MRPS31: variants seen among roughly 807,000 people sequenced by gnomAD.
MRPS31 encodes the protein mitochondrial ribosomal protein S31.
A neutral mutation model predicts 43.1 loss-of-function variants in MRPS31; 32 were observed. The observed-to-expected ratio is 0.74, with a 90% CI of 0.56 to 1.00. The LOEUF (loss-of-function observed/expected upper bound fraction) is 1.00. Among genes scored for constraint, MRPS31 ranks in the 50% least tolerant of loss-of-function variants. MRPS31 has a pLI of 0.00. For synonymous variants in MRPS31, 165 were observed against 161.6 expected, an observed-to-expected ratio of 1.02 and a Z score of -0.16; for missense variants, 437 against 466.7, an observed-to-expected ratio of 0.94 and a Z score of 0.59.
intron 2 of MRPS31, 30 bp from the exon 3 acceptor site, chr13:40,759,136 A>C: frequency 6.5e-7 from 1 of 1,531,628 alleles, no homozygotes; most frequent in Non-Finnish European, 8.8e-7. Context: ...ACAAATGAGA[A>C]AGAAAAAAAA....
chr13:40,732,994 G>GTTT (rs1159862645), intron 6 of MRPS31, among the ~76,000 whole-genome samples: 17 of 84,484 alleles, frequency 2.0e-4, no homozygotes, highest in Non-Finnish European at 2.7e-4. Context: ...AATGCATTTG[G>GTTT]TTTTTTTTTT....
chr13:40,730,428 G>A (rs1026302102), intron 6 of MRPS31, among the ~76,000 whole-genome samples: 1 of 152,112 alleles, frequency 6.6e-6, no homozygotes, highest in Non-Finnish European at 1.5e-5. Context: ...GGGAGGCTGA[G>A]GTATAAGAAT....
At chr13:40,763,860 G>A (rs1467898433) in intron 2 of MRPS31, among the ~76,000 whole-genome samples, 1 of 152,098 alleles carries the variant, frequency 6.6e-6, no homozygotes, top group Non-Finnish European at 1.5e-5. Flanking sequence ...CCAGCTACCA[G>A]GCAAGAAACC....
Position 40,771,108 on chromosome 13 carries a change from G to C in MRPS31, c.29C>G (p.Pro10Arg), listed in dbSNP as rs745589744. Residue 10 changes from proline (P) to arginine (R), a missense_variant, in exon 1 of 7, where the codon CCT (proline) becomes CGT (arginine). Transcript: ENST00000323563. MFPRVSTFL[P>R]LRPLSRHPLS... ...AGGGTGGCGGGAAAGGGGGCGAAGA[G>C]GTAGGAACGTCGAGACTCTAGGAAA... 2.5e-6 allele frequency: 4 copies of C among 1,613,260 alleles called. No homozygotes were observed. The highest frequency in any genetic ancestry group is 1.1e-5 in the South Asian group (1 of 90,954).
chr13:40,735,792 A>G (rs1375316628), intron 6 of MRPS31, among the ~76,000 whole-genome samples: 1 of 150,522 alleles, frequency 6.6e-6, no homozygotes, highest in Non-Finnish European at 1.5e-5. Context: ...CATCACCATC[A>G]TCAAAGACCA....
intron 4 of MRPS31, among the ~76,000 whole-genome samples, chr13:40,755,958 T>A (rs796336476): frequency 3.9e-5 from 6 of 152,322 alleles, no homozygotes; most frequent in African/African-American, 1.4e-4. Context: ...TTCAATAATA[T>A]GTAACAGATG....
intron 1 of MRPS31, among the ~76,000 whole-genome samples, chr13:40,769,412 A>ATATATATG (rs1880944584): frequency 9.9e-6 from 1 of 101,064 alleles, no homozygotes; most frequent in Admixed American, 1.1e-4. Flanking sequence ...ATATATATAT[A>ATATATATG]TATATATATT....
intron 6 of MRPS31, 26 bp from the exon 7 acceptor site, chr13:40,729,627 CATTAT>C (rs771153998): frequency 8.3e-5 from 112 of 1,354,960 alleles, no homozygotes; most frequent in Non-Finnish European, 9.3e-5. Context: ...AAATACATTA[CATTAT>C]AATTTTAAAT....
chr13:40,768,625 C>T (rs1276055094), intron 1 of MRPS31, among the ~76,000 whole-genome samples: 1 of 152,024 alleles, frequency 6.6e-6, no homozygotes, highest in Non-Finnish European at 1.5e-5. Flanking sequence ...TTCCTAGGCT[C>T]AAGCGATCTG....
chr13:40,753,601 G>A (rs570394291), intron 5 of MRPS31, among the ~76,000 whole-genome samples: 13 of 152,298 alleles, frequency 8.5e-5, no homozygotes, highest in African/African-American at 2.6e-4. Context: ...CCTAGCTGAG[G>A]AGCAGGTGTC....
chr13:40,744,676 C>T (rs1880191844), intron 6 of MRPS31, among the ~76,000 whole-genome samples: 1 of 152,090 alleles, frequency 6.6e-6, no homozygotes, highest in African/African-American at 2.4e-5. Flanking sequence ...GCACTATTCA[C>T]AATAGCAAAG....
chr13:40,738,817 C>A (rs892707362), intron 6 of MRPS31, among the ~76,000 whole-genome samples: 1 of 152,066 alleles, frequency 6.6e-6, no homozygotes, highest in Non-Finnish European at 1.5e-5. Flanking sequence ...TATGACAAAC[C>A]CACAGCCAAT....
intron 2 of MRPS31, among the ~76,000 whole-genome samples, chr13:40,764,987 T>C (rs923139972): frequency 3.3e-4 from 50 of 152,214 alleles, no homozygotes; most frequent in African/African-American, 1.1e-3. Flanking sequence ...AAGCAGTCTA[T>C]GTATGAAGCA....
chr13:40,740,947 T>TAA (rs61060673), intron 6 of MRPS31, among the ~76,000 whole-genome samples: 23 of 143,098 alleles, frequency 1.6e-4, no homozygotes, highest in South Asian at 8.9e-4. Flanking sequence ...AAAAAAAAAT[T>TAA]AAAAAAAAAA....
chr13:40,738,285 G>A (rs1879982382), intron 6 of MRPS31, among the ~76,000 whole-genome samples: 1 of 152,090 alleles, frequency 6.6e-6, no homozygotes, highest in South Asian at 2.1e-4. Flanking sequence ...CTGAAATTGT[G>A]GCAATGATCA....
chr13:40,739,672 A>T (rs1383099673), intron 6 of MRPS31, among the ~76,000 whole-genome samples: 11 of 152,040 alleles, frequency 7.2e-5, no homozygotes, highest in South Asian at 2.1e-4. Context: ...AAACCTGAGA[A>T]AAACAAGCAA....
intron 3 of MRPS31, among the ~76,000 whole-genome samples, chr13:40,758,075 G>A (rs1488049334): frequency 2.6e-5 from 4 of 151,374 alleles, no homozygotes; most frequent in South Asian, 2.1e-4. Context: ...CCGGGGAGGC[G>A]GAGCCTGCAG....
chr13:40,768,938 T>C (rs148605102), intron 1 of MRPS31, among the ~76,000 whole-genome samples: 59 of 152,290 alleles, frequency 3.9e-4, no homozygotes, highest in African/African-American at 1.4e-3. Flanking sequence ...AAAGTAGTGG[T>C]TATGAATCTC....
At position 40,759,094 on chromosome 13, in the gene MRPS31, CAG is replaced by C. The variant is rs765965301; in HGVS notation, c.451_452del (p.Leu151GlufsTer3). 1 of 1,575,680 alleles carries C rather than the reference CAG, an allele frequency of 6.3e-7. No individual in the cohort carries two copies. Among genetic ancestry groups the C allele is most frequent in the Non-Finnish European group, 8.6e-7 (1 of 1,165,904 alleles). On this transcript the variant is annotated frameshift_variant, in exon 3 of 7. Coordinates refer to ENST00000323563, the MANE Select transcript of MRPS31 (RefSeq NM_005830.4). LOFTEE classifies it high-confidence loss of function. Reference sequence around the variant, plus strand: ...ATGCAGCTGCCACCAACTCAGGACTCAGGGGCTCAATTCTGAAAAAGAAAATG... The same window carrying C: ...ATGCAGCTGCCACCAACTCAGGACTCGGGCTCAATTCTGAAAAAGAAAATG... ...EYAPKKRIEP[L>X]SPELVAAASA...
Sources: allele counts gnomAD v4.1 joint callset (sites outside exome capture counted in the v4.1 genomes callset), GRCh38; gene constraint gnomAD v4.1.1; transcripts MANE v1.5; gene names NCBI Gene and HGNC (gene_info 2026-07-23, HGNC 2026-07-21).